The following XKR9 variants were observed in gnomAD, a reference collection of about 807,000 sequenced individuals.
The protein encoded by XKR9 is XK-related protein 9.
In XKR9, 32 loss-of-function variants were observed where a neutral mutation model predicts 32.0. The observed-to-expected ratio is 1.00, with a 90% confidence interval of 0.76 to 1.34. XKR9 has a LOEUF of 1.34. Among genes scored for constraint, XKR9 ranks in the 40% most tolerant of loss-of-function variants. The pLI is 0.00. For synonymous variants in XKR9, 168 were observed against 143.4 expected (o/e 1.17, Z -1.22); for missense variants, 546 against 429.7 (o/e 1.27, Z -2.39).
chr8:70,945,909 G>A, the XKR9 span, among the ~76,000 whole-genome samples: 7 of 152,302 alleles, frequency 4.6e-5, no homozygotes, highest in Admixed American at 4.6e-4. Context: ...GGCCGAGGTG[G>A]ACGGATCACG....
the XKR9 span, among the ~76,000 whole-genome samples, chr8:71,028,124 A>T: frequency 2.0e-5 from 3 of 152,124 alleles, no homozygotes; most frequent in Admixed American, 6.6e-5. Flanking sequence ...TTTGATAAGG[A>T]TTGCATTGAA....
At chr8:70,757,189 C>G (rs1358184409) in intron 2 of XKR9, among the ~76,000 whole-genome samples, 1 of 151,974 alleles carries the variant, frequency 6.6e-6, no homozygotes, top group Admixed American at 6.6e-5. Flanking sequence ...GGTGAAATCT[C>G]ATTTGGTTAT....
the XKR9 span, among the ~76,000 whole-genome samples, chr8:70,970,543 C>A: frequency 6.6e-6 from 1 of 152,084 alleles, no homozygotes; most frequent in African/African-American, 2.4e-5. Flanking sequence ...TGTTCATCTC[C>A]CACTTATGAA....
chr8:70,949,960 C>G, the XKR9 span, among the ~76,000 whole-genome samples: 2 of 152,316 alleles, frequency 1.3e-5, no homozygotes, highest in African/African-American at 4.8e-5. Context: ...TAGTAAGTAG[C>G]AGTGCCTGCA....
chr8:70,752,094 C>T (rs770814416), intron 2 of XKR9, among the ~76,000 whole-genome samples: 14 of 152,174 alleles, frequency 9.2e-5, no homozygotes, highest in Non-Finnish European at 1.5e-4. Context: ...ATACAACTCT[C>T]ACTCCTCCAC....
chr8:70,880,651 G>C, the XKR9 span, among the ~76,000 whole-genome samples: 1 of 152,166 alleles, frequency 6.6e-6, no homozygotes, highest in African/African-American at 2.4e-5. Flanking sequence ...AATATTCCAT[G>C]CTCATCGATA....
chr8:71,027,498 G>A, the XKR9 span, among the ~76,000 whole-genome samples: 1 of 147,012 alleles, frequency 6.8e-6, no homozygotes, highest in Non-Finnish European at 1.5e-5. Flanking sequence ...ATATGTGTGT[G>A]TATATATATA....
chr8:70,694,856 CT>C (rs1805204462), intron 3 of XKR9, among the ~76,000 whole-genome samples: 1 of 152,190 alleles, frequency 6.6e-6, no homozygotes, highest in Admixed American at 6.5e-5. Flanking sequence ...GCTGCAGCTA[CT>C]TTTGCTGGAA....
chr8:71,033,545 T>A, the XKR9 span, among the ~76,000 whole-genome samples: 1 of 152,144 alleles, frequency 6.6e-6, no homozygotes, highest in Non-Finnish European at 1.5e-5. Flanking sequence ...AATGTTGGGA[T>A]GTGGGGCTTA....
chr8:71,023,780 C>T, the XKR9 span, among the ~76,000 whole-genome samples: 2 of 152,086 alleles, frequency 1.3e-5, no homozygotes, highest in African/African-American at 4.8e-5. Flanking sequence ...TCCCAAGCCC[C>T]CATGTGATGC....
At chr8:71,020,240 G>C in the XKR9 span, among the ~76,000 whole-genome samples, 1 of 152,154 alleles carries the variant, frequency 6.6e-6, no homozygotes, top group Non-Finnish European at 1.5e-5. Flanking sequence ...AGTTAGTTGA[G>C]CCAGTTGGAA....
At chr8:70,879,893 C>T in the XKR9 span, among the ~76,000 whole-genome samples, 1 of 152,078 alleles carries the variant, frequency 6.6e-6, no homozygotes, top group Non-Finnish European at 1.5e-5. Flanking sequence ...ACTGGCAAAC[C>T]GAATCCAGCA....
At chr8:70,900,444 C>T in the XKR9 span, among the ~76,000 whole-genome samples, 1 of 151,938 alleles carries the variant, frequency 6.6e-6, no homozygotes, top group Non-Finnish European at 1.5e-5. Context: ...ACAAAATTAG[C>T]CAGGCATGGT....
At chr8:70,703,765 C>G (rs1805622055) in intron 3 of XKR9, among the ~76,000 whole-genome samples, 1 of 152,096 alleles carries the variant, frequency 6.6e-6, no homozygotes, top group South Asian at 2.1e-4. Flanking sequence ...CTCATCATTA[C>G]TGGAAGCTGG....
intron 2 of XKR9, among the ~76,000 whole-genome samples, chr8:70,746,558 G>T (rs976112809): frequency 6.6e-6 from 1 of 151,250 alleles, no homozygotes; most frequent in Non-Finnish European, 1.5e-5. Context: ...TGCTTTGATG[G>T]TAGGAAAGGA....
At chr8:70,902,627 C>T in the XKR9 span, among the ~76,000 whole-genome samples, 2 of 151,354 alleles carry the variant, frequency 1.3e-5, no homozygotes, top group African/African-American at 4.8e-5. Flanking sequence ...CCCTTTGTTT[C>T]TTTCTACTGC....
intron 2 of XKR9, among the ~76,000 whole-genome samples, chr8:70,764,833 C>A (rs983997783): frequency 6.6e-6 from 1 of 152,112 alleles, no homozygotes; most frequent in African/African-American, 2.4e-5. Context: ...TGAGTGAGAA[C>A]ATGCGGTGTT....
At chr8:70,679,330 C>G (rs1458980180) in intron 2 of XKR9, among the ~76,000 whole-genome samples, 2 of 152,198 alleles carry the variant, frequency 1.3e-5, no homozygotes, top group African/African-American at 4.8e-5. Flanking sequence ...TGGGCCCTAA[C>G]TGTGTGCCAA....
the XKR9 span, among the ~76,000 whole-genome samples, chr8:70,838,998 T>A: frequency 6.5e-3 from 982 of 152,178 alleles, 10 homozygotes; most frequent in African/African-American, 0.022. Flanking sequence ...TATATTTGCT[T>A]ATCCTTTTAA....
Sources: allele counts gnomAD v4.1 joint callset (sites outside exome capture counted in the v4.1 genomes callset), GRCh38; gene constraint gnomAD v4.1.1; transcripts MANE v1.5; gene names NCBI Gene and HGNC (gene_info 2026-07-23, HGNC 2026-07-21).